The following CTTNBP2NL variants were observed in gnomAD, a reference collection of about 807,000 sequenced individuals.
CTTNBP2NL encodes the protein CTTNBP2 N-terminal-like protein.
Under a neutral mutation model 32.5 loss-of-function variants are expected in CTTNBP2NL, and 16 were observed. The observed-to-expected ratio is 0.49, with a 90% CI of 0.33 to 0.75. The LOEUF (loss-of-function observed/expected upper bound fraction) is 0.75, where lower values mean the gene tolerates loss of function less well. CTTNBP2NL is among the 30% of genes least tolerant of loss of function. The pLI, the probability that CTTNBP2NL is intolerant of heterozygous loss-of-function variation, is 0.02. For synonymous variants in CTTNBP2NL, 298 were observed against 289.4 expected (o/e 1.03, Z -0.30); for missense variants, 645 against 756.0 (o/e 0.85, Z 1.72).
Position 112,456,632 on chromosome 1 carries a change from A to C in CTTNBP2NL, c.1140A>C (p.Ala380=). The C allele has an allele frequency of 6.2e-7, 1 of 1,614,166 alleles. No homozygotes were observed. Among genetic ancestry groups the C allele is most frequent in the Non-Finnish European group, 8.5e-7 (1 of 1,180,030 alleles). Residue 380 remains alanine (A), a synonymous_variant, in exon 6 of 6, where the codon GCA becomes GCC. Transcript: ENST00000271277. The part of the protein sequence containing the change: ...NQVPPREKSV[A]LAQEKPVENG... Reference sequence around the variant, plus strand: ...TGCCTCCACGGGAAAAATCTGTGGCATTGGCCCAAGAGAAACCAGTGGAGA... The same window carrying C: ...TGCCTCCACGGGAAAAATCTGTGGCCTTGGCCCAAGAGAAACCAGTGGAGA...
At chr1:112,439,247 C>G (rs999858621) in intron 3 of CTTNBP2NL, among the ~76,000 whole-genome samples, 5 of 152,088 alleles carry the variant, frequency 3.3e-5, no homozygotes, top group Non-Finnish European at 5.9e-5. Flanking sequence ...TCATTCTGCC[C>G]TGTCTCTTTT....
At chr1:112,396,806 G>C (rs1324102066) in intron 1 of CTTNBP2NL, among the ~76,000 whole-genome samples, 1 of 152,192 alleles carries the variant, frequency 6.6e-6, no homozygotes, top group Admixed American at 6.5e-5. Flanking sequence ...TCCCACTTAA[G>C]TTCTTCCCAT....
intron 3 of CTTNBP2NL, among the ~76,000 whole-genome samples, chr1:112,434,070 T>C (rs1051937311): frequency 5.9e-5 from 9 of 152,192 alleles, no homozygotes; most frequent in Admixed American, 5.9e-4. Flanking sequence ...ACATAGAATA[T>C]GTTAGCTGAA....
chr1:112,444,613 G>C (rs996817880), intron 3 of CTTNBP2NL, among the ~76,000 whole-genome samples: 1 of 152,112 alleles, frequency 6.6e-6, no homozygotes, highest in African/African-American at 2.4e-5. Context: ...AGGAATTTCT[G>C]TTCAGTTAAT....
chr1:112,417,989 T>C (rs1352151973), intron 3 of CTTNBP2NL, among the ~76,000 whole-genome samples: 1 of 152,208 alleles, frequency 6.6e-6, no homozygotes, highest in African/African-American at 2.4e-5. Flanking sequence ...TGGTTCTTAA[T>C]TGATGCTTAG....
chr1:112,448,390 A>G (rs1228713648), intron 3 of CTTNBP2NL, among the ~76,000 whole-genome samples: 1 of 152,234 alleles, frequency 6.6e-6, no homozygotes. Context: ...CACTTTATAT[A>G]TCTGCTGGCA....
At chr1:112,434,518 A>G (rs1649670193) in intron 3 of CTTNBP2NL, among the ~76,000 whole-genome samples, 1 of 152,056 alleles carries the variant, frequency 6.6e-6, no homozygotes. Context: ...TGGTCTCTGG[A>G]TCTAGCCTCC....
intron 4 of CTTNBP2NL, among the ~76,000 whole-genome samples, chr1:112,451,047 G>A (rs1650201100): frequency 6.6e-6 from 1 of 151,920 alleles, no homozygotes; most frequent in Middle Eastern, 3.4e-3. Context: ...CATGGTCATT[G>A]TGCTTACAAT....
intron 3 of CTTNBP2NL, among the ~76,000 whole-genome samples, chr1:112,436,905 A>G (rs576310557): frequency 2.9e-4 from 44 of 152,186 alleles, no homozygotes; most frequent in African/African-American, 1.0e-3. Flanking sequence ...AACGTGTGGT[A>G]TTTGGTTCCT....
At chr1:112,424,983 AT>A (rs1239412500) in intron 3 of CTTNBP2NL, among the ~76,000 whole-genome samples, 557 of 134,292 alleles carry the variant, frequency 4.1e-3, no homozygotes, top group East Asian at 4.8e-3. Flanking sequence ...GCCCAGCTAA[AT>A]TTTTTTTTTT....
At chr1:112,431,492 T>G (rs990944992) in intron 3 of CTTNBP2NL, among the ~76,000 whole-genome samples, 2 of 152,248 alleles carry the variant, frequency 1.3e-5, no homozygotes, top group Admixed American at 1.3e-4. Context: ...ATTTATAGAA[T>G]GAACTGGGAG....
intron 1 of CTTNBP2NL, among the ~76,000 whole-genome samples, chr1:112,408,124 G>A (rs1264310176): frequency 6.6e-6 from 1 of 151,400 alleles, no homozygotes. Context: ...TGGGATTACA[G>A]GTGTGAGCCA....
intron 3 of CTTNBP2NL, among the ~76,000 whole-genome samples, chr1:112,434,785 T>C (rs1426561001): frequency 2.0e-5 from 3 of 152,308 alleles, no homozygotes; most frequent in African/African-American, 4.8e-5. Flanking sequence ...TTGCTTGAAC[T>C]GTTCCCTTGT....
rs1650396306 is a variant in CTTNBP2NL, at chr1:112,457,226, C to T, written c.1734C>T (p.Asn578=). The T allele has an allele frequency of 1.2e-6, 2 of 1,614,012 alleles. No homozygotes were observed. The highest frequency in any genetic ancestry group is 1.7e-6 in the Non-Finnish European group (2 of 1,180,042). The change falls in exon 6 of 6, where the codon AAC becomes AAT. Residue 578 remains asparagine, a synonymous_variant. Coordinates refer to ENST00000271277, the MANE Select transcript of CTTNBP2NL (RefSeq NM_018704.3). The part of the protein sequence containing the change: ...SPTIPRAERG[N]PPPIPPKKPG... ...CCATCCCCAGAGCTGAGAGAGGAAA[C>T]CCTCCACCCATCCCACCCAAGAAAC...
chr1:112,445,473 C>T (rs1452485914), intron 3 of CTTNBP2NL, among the ~76,000 whole-genome samples: 4 of 152,166 alleles, frequency 2.6e-5, no homozygotes, highest in African/African-American at 9.7e-5. Context: ...ATACCATGTT[C>T]TGTCTCCCAT....
At chr1:112,402,885 G>A (rs770026291) in intron 1 of CTTNBP2NL, among the ~76,000 whole-genome samples, 1 of 151,974 alleles carries the variant, frequency 6.6e-6, no homozygotes, top group African/African-American at 2.4e-5. Context: ...CCTCTTGGGG[G>A]TCAAATAACT....
chr1:112,399,232 T>C (rs2100988417), intron 1 of CTTNBP2NL, among the ~76,000 whole-genome samples: 1 of 150,870 alleles, frequency 6.6e-6, no homozygotes, highest in East Asian at 2.0e-4. Context: ...GGCAGCAGAA[T>C]TGCTTGAACC....
intron 2 of CTTNBP2NL, 54 bp downstream of exon 2, chr1:112,412,371 A>G (rs888364107): frequency 1.3e-5 from 2 of 152,306 alleles, no homozygotes; most frequent in Middle Eastern, 3.4e-3. Flanking sequence ...AATCTAATGC[A>G]ATTTTACTGT....
intron 3 of CTTNBP2NL, among the ~76,000 whole-genome samples, chr1:112,423,320 ATGTAT>A (rs1164348814): frequency 6.6e-6 from 1 of 152,166 alleles, no homozygotes; most frequent in Admixed American, 6.5e-5. Context: ...GTTAATAATA[ATGTAT>A]TGTATACTTC....
Sources: gnomAD v4.1 joint callset for allele counts (sites outside exome capture counted in the v4.1 genomes callset) on GRCh38, gnomAD v4.1.1 for gene constraint, MANE v1.5 for transcripts, NCBI Gene and HGNC (gene_info 2026-07-23, HGNC 2026-07-21) for gene names.